Variants in REEP1 observed in about 807,000 individuals in gnomAD.
The protein encoded by REEP1 is receptor expression-enhancing protein 1.
REEP1 carries 22 observed loss-of-function variants against 40.3 expected under a neutral mutation model. The observed-to-expected ratio is 0.55, with a 90% confidence interval of 0.39 to 0.78. The LOEUF is 0.78. Among genes scored for constraint, REEP1 ranks in the 30% least tolerant of loss-of-function variants. REEP1 has a pLI of 0.00. For synonymous variants in REEP1, 116 were observed against 139.2 expected, an observed-to-expected ratio of 0.83 and a Z score of 1.17; for missense variants, 280 against 361.1, an observed-to-expected ratio of 0.78 and a Z score of 1.82.
chr2:86,284,219 C>T (rs961548548), intron 1 of REEP1, among the ~76,000 whole-genome samples: 1 of 152,082 alleles, frequency 6.6e-6, no homozygotes, highest in African/African-American at 2.4e-5. Flanking sequence ...TCGGGGAGGC[C>T]TTTCCTGACC....
chr2:86,227,145 G>T (rs146860388), intron 7 of REEP1, among the ~76,000 whole-genome samples: 27 of 152,322 alleles, frequency 1.8e-4, no homozygotes, highest in African/African-American at 6.5e-4. Context: ...CCTCTTGAGA[G>T]ACCCTGAGCT....
intron 2 of REEP1, among the ~76,000 whole-genome samples, chr2:86,265,259 T>C (rs1677074753): frequency 6.6e-6 from 1 of 152,182 alleles, no homozygotes; most frequent in Non-Finnish European, 1.5e-5. Context: ...GAAACAAAGT[T>C]TGGAATTCAA....
At position 86,216,871 on chromosome 2, in the gene REEP1, G is replaced by A. The variant is rs989408980; in HGVS notation, c.*168C>T. ...TCTCCCCAGCAAAATAAAGAAAAGG[G>A]GGAAAAAAATAAATCCTTAAAAGTG... On this transcript the variant is annotated 3_prime_UTR_variant, in exon 9 of 9. Transcript: ENST00000538924. 6 of 618,804 alleles carry A rather than the reference G, an allele frequency of 9.7e-6. No individual in the cohort carries two copies. The highest frequency in any genetic ancestry group is 5.6e-5 in the Admixed American group (2 of 35,858). 38.3% of individuals were successfully genotyped at this position (618,804 alleles called of 1,614,324 possible).
intron 1 of REEP1, among the ~76,000 whole-genome samples, chr2:86,299,036 T>G (rs1573007617): frequency 1.3e-5 from 2 of 152,264 alleles, no homozygotes; most frequent in East Asian, 3.9e-4. Context: ...TTGATAGAGC[T>G]CAAAAGATAC....
intron 2 of REEP1, among the ~76,000 whole-genome samples, chr2:86,265,392 A>G (rs1000767274): frequency 6.6e-6 from 1 of 152,198 alleles, no homozygotes; most frequent in Non-Finnish European, 1.5e-5. Flanking sequence ...GACTAAGAGC[A>G]AAATTTAAAT....
chr2:86,322,955 G>T (rs1005643293), intron 1 of REEP1, among the ~76,000 whole-genome samples: 3 of 152,152 alleles, frequency 2.0e-5, no homozygotes, highest in African/African-American at 7.2e-5. Context: ...GCCAGGCAGA[G>T]GTGGGAGAAT....
chr2:86,248,843 T>C lies in REEP1; in HGVS notation c.417+3114A>G, dbSNP rs567030019. ...GTCCTGGTTTGAACAATAAATTATATAGTCACCCCAGCTATGGGTGACTTT... is the reference window on the plus strand; with the variant it reads ...GTCCTGGTTTGAACAATAAATTATACAGTCACCCCAGCTATGGGTGACTTT... On this transcript the variant is annotated intron_variant, in intron 5 of 8. Coordinates refer to ENST00000538924, the MANE Select transcript of REEP1 (RefSeq NM_001371279.1). 5.9e-5 allele frequency among the ~76,000 whole-genome samples: 9 copies of C among 152,348 alleles called. No homozygotes were observed. The East Asian group carries it at 1.2e-3, about 20-fold the overall frequency.
intron 1 of REEP1, among the ~76,000 whole-genome samples, chr2:86,304,381 C>A (rs920643877): frequency 2.6e-5 from 4 of 152,198 alleles, no homozygotes; most frequent in Non-Finnish European, 5.9e-5. Flanking sequence ...TCCCTTCCTT[C>A]AGGTTCAGCT....
chr2:86,233,540 T>C (rs1675141703), intron 5 of REEP1, among the ~76,000 whole-genome samples: 1 of 152,198 alleles, frequency 6.6e-6, no homozygotes, highest in Admixed American at 6.5e-5. Context: ...TCAATCCATT[T>C]TACTTACGAA....
chr2:86,282,392 T>C (rs1451688858), intron 1 of REEP1, 150 bp from the exon 2 acceptor site: 1 of 668,536 alleles, frequency 1.5e-6, no homozygotes, highest in Admixed American at 2.1e-5. Flanking sequence ...CTGAAGGTGT[T>C]CTGCTCGTGG....
At chr2:86,337,630 C>G, upstream of REEP1, 1 of 1,088,070 alleles carries the variant, frequency 9.2e-7, no homozygotes, top group Non-Finnish European at 1.1e-6. The surrounding 1 kb of genome is among the most constrained non-coding windows in gnomAD (Gnocchi z 5.8). Flanking sequence ...CCAGACTGAG[C>G]GCGCCCGCCG....
chr2:86,273,156 T>A (rs1305048204), intron 2 of REEP1, among the ~76,000 whole-genome samples: 2 of 128,346 alleles, frequency 1.6e-5, no homozygotes, highest in Non-Finnish European at 3.5e-5. Context: ...AAAAAAAAAA[T>A]TCTTAAACCT....
At chr2:86,247,348 A>G (rs11689971) in intron 5 of REEP1, among the ~76,000 whole-genome samples, 55,029 of 151,982 alleles carry the variant, frequency 0.36, 12,012 homozygotes, top group East Asian at 0.59. Flanking sequence ...GAAATTTCTC[A>G]TGCCTGATGT....
intron 4 of REEP1, among the ~76,000 whole-genome samples, chr2:86,254,186 A>G (rs1342145424): frequency 6.6e-6 from 1 of 152,198 alleles, no homozygotes; most frequent in Non-Finnish European, 1.5e-5. Context: ...AATTCTACAT[A>G]AAATTTTAAT....
intron 1 of REEP1, among the ~76,000 whole-genome samples, chr2:86,309,466 C>A (rs1679657838): frequency 6.6e-6 from 1 of 152,264 alleles, no homozygotes. Context: ...ACGGCCTTCA[C>A]ACCTCTTGAC....
intron 5 of REEP1, among the ~76,000 whole-genome samples, chr2:86,250,780 G>A (rs1439312459): frequency 6.6e-6 from 1 of 152,130 alleles, no homozygotes; most frequent in Non-Finnish European, 1.5e-5. Flanking sequence ...CTTCCTGAAA[G>A]GTACTTTTCA....
At chr2:86,243,458 C>T (rs1207365636) in intron 5 of REEP1, among the ~76,000 whole-genome samples, 3 of 152,194 alleles carry the variant, frequency 2.0e-5, no homozygotes, top group East Asian at 1.9e-4. Context: ...TAAGTAATGT[C>T]GGACCGCCAA....
At chr2:86,263,216 T>C (rs1574051747) in intron 3 of REEP1, among the ~76,000 whole-genome samples, 1 of 152,172 alleles carries the variant, frequency 6.6e-6, no homozygotes, top group Non-Finnish European at 1.5e-5. Context: ...CACACACATA[T>C]ATTAGTTTTT....
At chr2:86,217,234 C>CT (rs1674162139) in intron 8 of REEP1, 124 bp from the exon 9 acceptor site, 1 of 787,688 alleles carries the variant, frequency 1.3e-6, no homozygotes, top group Non-Finnish European at 2.2e-6. Context: ...CTGGCTAGGG[C>CT]TGGGGTCTCC....
Sources: gnomAD v4.1 joint callset for allele counts (sites outside exome capture counted in the v4.1 genomes callset) on GRCh38, gnomAD v4.1.1 for gene constraint, Gnocchi (gnomAD v3.1) non-coding constraint, MANE v1.5 for transcripts, NCBI Gene and HGNC (gene_info 2026-07-23, HGNC 2026-07-21) for gene names.